PACS1: variants seen among roughly 807,000 people sequenced by gnomAD.
PACS1 encodes the protein PACS-1.
Under a neutral mutation model 115.0 loss-of-function variants are expected in PACS1, and 24 were observed. That is an observed-to-expected ratio of 0.21 (90% CI 0.15 to 0.29). The LOEUF (loss-of-function observed/expected upper bound fraction) is 0.29, where lower values mean the gene tolerates loss of function less well. PACS1 is among the 10% of genes least tolerant of loss of function. The pLI, the probability that PACS1 is intolerant of heterozygous loss-of-function variation, is 1.00. For missense variants in PACS1, 838 were observed against 1,251.2 expected, an observed-to-expected ratio of 0.67 and a Z score of 4.98; for synonymous variants, 453 against 504.5, an observed-to-expected ratio of 0.90 and a Z score of 1.37.
chr11:66,153,220 T>C (rs971711712), intron 1 of PACS1, among the ~76,000 whole-genome samples: 9 of 152,180 alleles, frequency 5.9e-5, no homozygotes, highest in Non-Finnish European at 1.0e-4. Context: ...AGCCTTGAAC[T>C]CCTGGGCTCA....
At chr11:66,159,462 C>G (rs1859439223) in intron 1 of PACS1, among the ~76,000 whole-genome samples, 1 of 151,920 alleles carries the variant, frequency 6.6e-6, no homozygotes, top group Non-Finnish European at 1.5e-5. Flanking sequence ...AATATTGAGT[C>G]AAAGAGTATG....
chr11:66,130,638 C>T (rs556605046), intron 1 of PACS1, among the ~76,000 whole-genome samples: 2 of 152,170 alleles, frequency 1.3e-5, no homozygotes, highest in South Asian at 4.1e-4. Flanking sequence ...TCATTTAAAA[C>T]TATGTTTTTC....
intron 9 of PACS1, 122 bp downstream of exon 9, chr11:66,220,913 C>A (rs1855329070): frequency 8.7e-7 from 1 of 1,150,462 alleles, no homozygotes; most frequent in African/African-American, 1.5e-5. Context: ...CTTTCTGAAC[C>A]TCTGGCTGTC....
chr11:66,133,734 G>A (rs1429559861), intron 1 of PACS1, among the ~76,000 whole-genome samples: 1 of 152,114 alleles, frequency 6.6e-6, no homozygotes, highest in Non-Finnish European at 1.5e-5. Context: ...GAAACTTCTG[G>A]CCTCAAGCGA....
At position 66,227,517 on chromosome 11, in the gene PACS1, C is replaced by T; in HGVS notation, c.1307C>T (p.Ala436Val). 1.2e-6 allele frequency: 2 copies of T among 1,604,544 alleles called. No homozygotes were observed. Among genetic ancestry groups the T allele is most frequent in the Non-Finnish European group, 1.7e-6 (2 of 1,172,554 alleles). ...TAATTTTTGCAGATGGAATTGGCTG[C>T]TCTAGAAAAAATTAAATCTACTTGG... Reference protein sequence around the residue: ...KDTTSPMELAALEKIKSTWIK... With the variant: ...KDTTSPMELAVLEKIKSTWIK... Residue 436 changes from alanine (A) to valine (V), a missense_variant, in exon 11 of 24, where the codon GCT becomes GTT. Physicochemically the swap from Ala to Val is moderately conservative, Grantham distance 64. This residue lies in a region of PACS1 where 383 missense variants were observed against 537.0 expected (regional missense o/e 0.71). Transcript: ENST00000320580.
chr11:66,223,497 C>G (rs1435904646), intron 10 of PACS1, among the ~76,000 whole-genome samples: 7 of 151,894 alleles, frequency 4.6e-5, no homozygotes, highest in African/African-American at 1.7e-4. Flanking sequence ...TAGGATGTGG[C>G]TTGGAGATGC....
chr11:66,095,282 G>C (rs1282209560), intron 1 of PACS1, among the ~76,000 whole-genome samples: 34 of 151,822 alleles, frequency 2.2e-4, no homozygotes, highest in Non-Finnish European at 4.6e-4. Context: ...TGACATGATT[G>C]TATATCTAGA....
At chr11:66,133,480 C>T (rs921378667) in intron 1 of PACS1, among the ~76,000 whole-genome samples, 2 of 152,182 alleles carry the variant, frequency 1.3e-5, no homozygotes, top group Non-Finnish European at 2.9e-5. Context: ...TGATAATGTC[C>T]GTGGTTTATA....
chr11:66,071,101 C>G (rs77867801), intron 1 of PACS1, among the ~76,000 whole-genome samples: 2 of 152,316 alleles, frequency 1.3e-5, no homozygotes, highest in African/African-American at 2.4e-5. Flanking sequence ...CGGGCTTTCT[C>G]CGATTGGGCT....
chr11:66,124,051 G>A lies in PACS1; in HGVS notation c.356+53209G>A, dbSNP rs963133336. On this transcript the variant is annotated intron_variant, in intron 1 of 23. Coordinates refer to ENST00000320580, the MANE Select transcript of PACS1 (RefSeq NM_018026.4). ...AGACTGTCAAGGGCAGGCATTCTGC[G>A]CAGCTTTGGCAATACCGTCTAGTTG... is the stretch of plus-strand genomic sequence containing the variant. 4.6e-5 allele frequency among the ~76,000 whole-genome samples: 7 copies of A among 152,284 alleles called. No homozygotes were observed. In the East Asian group the frequency reaches 7.7e-4, roughly 17 times the overall value.
At chr11:66,177,283 C>G (rs1215525633) in intron 1 of PACS1, among the ~76,000 whole-genome samples, 1 of 152,172 alleles carries the variant, frequency 6.6e-6, no homozygotes, top group Non-Finnish European at 1.5e-5. Context: ...TCCACCACCT[C>G]CCGGGTTCAA....
Position 66,070,653 on chromosome 11 carries a change from C to G in PACS1, c.167C>G (p.Ser56Trp). Residue 56 changes from serine to tryptophan, a missense_variant, in exon 1 of 24, where the codon TCG becomes TGG. By Grantham distance (177) the Ser-to-Trp change is radical. Coordinates refer to ENST00000320580, the MANE Select transcript of PACS1 (RefSeq NM_018026.4). This position sits in a 1 kb window ranked among gnomAD's most constrained non-coding sequence, Gnocchi z 5.9. ...TPPKLAQATS[S>W]SSSTSAAAAS... The stretch of plus-strand genomic sequence containing the variant: ...CCCAAGCTGGCCCAGGCCACCTCGT[C>G]GTCCTCGTCCACCTCGGCGGCGGCT... 2 of 1,564,070 alleles carry G rather than the reference C, an allele frequency of 1.3e-6. No individual in the cohort carries two copies. Among genetic ancestry groups the G allele is most frequent in the Non-Finnish European group, 1.7e-6 (2 of 1,161,106 alleles).
chr11:66,222,690 A>G (rs1350435590), intron 10 of PACS1, among the ~76,000 whole-genome samples: 1 of 152,170 alleles, frequency 6.6e-6, no homozygotes, highest in Non-Finnish European at 1.5e-5. Flanking sequence ...CAGGGGGAAT[A>G]CCAAACTCGC....
intron 1 of PACS1, among the ~76,000 whole-genome samples, chr11:66,123,438 T>A (rs989739259): frequency 5.3e-5 from 8 of 152,132 alleles, no homozygotes; most frequent in Non-Finnish European, 1.2e-4. Flanking sequence ...GTGATCCACC[T>A]GCCTCGGCCT....
intron 1 of PACS1, among the ~76,000 whole-genome samples, chr11:66,181,784 T>G (rs1860018356): frequency 1.3e-5 from 2 of 152,184 alleles, no homozygotes; most frequent in African/African-American, 4.8e-5. Flanking sequence ...CTGTTTGTTT[T>G]TGTTCCTCCC....
intron 1 of PACS1, among the ~76,000 whole-genome samples, chr11:66,085,150 CAT>C (rs1467922353): frequency 6.6e-6 from 1 of 152,156 alleles, no homozygotes; most frequent in Admixed American, 6.5e-5. Context: ...TCCAAAACAT[CAT>C]GTTTTTTTCT....
intron 1 of PACS1, among the ~76,000 whole-genome samples, chr11:66,151,203 G>A (rs578186734): frequency 5.9e-4 from 90 of 151,606 alleles, no homozygotes; most frequent in South Asian, 1.7e-3. Flanking sequence ...AAGCAAGCAG[G>A]CAGAGGCTAG....
At chr11:66,190,501 C>T (rs1854491410) in intron 1 of PACS1, among the ~76,000 whole-genome samples, 1 of 152,190 alleles carries the variant, frequency 6.6e-6, no homozygotes. Flanking sequence ...TCTTGGCTCA[C>T]TGCAGCCTCC....
At chr11:66,073,678 T>C (rs1857349722) in intron 1 of PACS1, among the ~76,000 whole-genome samples, 1 of 152,238 alleles carries the variant, frequency 6.6e-6, no homozygotes, top group Non-Finnish European at 1.5e-5. Flanking sequence ...TGAAAAACTT[T>C]ATATAGGTGA....
Sources: gnomAD v4.1 joint callset for allele counts (sites outside exome capture counted in the v4.1 genomes callset) on GRCh38, gnomAD v4.1.1 for gene constraint, gnomAD v4.1.1 regional missense constraint, Gnocchi (gnomAD v3.1) non-coding constraint, MANE v1.5 for transcripts, NCBI Gene and HGNC (gene_info 2026-07-23, HGNC 2026-07-21) for gene names.